Variants in TTLL5 observed in about 807,000 individuals in gnomAD.
TTLL5 encodes the protein tubulin tyrosine ligase like 5, also known as tubulin polyglutamylase TTLL5.
TTLL5 carries 132 observed loss-of-function variants against 168.4 expected under a neutral mutation model. The ratio of observed to expected loss-of-function variants is 0.78; its 90% CI spans 0.68 to 0.91. The LOEUF is 0.91. Among genes scored for constraint, TTLL5 ranks in the 40% least tolerant of loss-of-function variants. The pLI, the probability that TTLL5 is intolerant of heterozygous loss-of-function variation, is 0.00. For synonymous variants in TTLL5, 546 were observed against 558.6 expected (o/e 0.98, Z 0.32); for missense variants, 1,545 against 1,581.5 (o/e 0.98, Z 0.39).
At chr14:75,764,870 C>A in intron 19 of TTLL5, 98 bp downstream of exon 19, 2 of 1,380,038 alleles carry the variant, frequency 1.4e-6, no homozygotes, top group Non-Finnish European at 2.0e-6. Flanking sequence ...CAGAATCTTC[C>A]TGATCACATA....
intron 9 of TTLL5, chr14:75,709,067 C>T (rs184962641): frequency 3.0e-6 from 2 of 657,466 alleles, no homozygotes; most frequent in Admixed American, 2.6e-5. Context: ...GCCTGTGGGC[C>T]TCAGGTTGGA....
At chr14:75,718,742 A>G (rs914444683) in intron 10 of TTLL5, among the ~76,000 whole-genome samples, 1 of 152,230 alleles carries the variant, frequency 6.6e-6, no homozygotes, top group African/African-American at 2.4e-5. Context: ...AGGGAGTACT[A>G]GCCCAGCTGT....
intron 30 of TTLL5, chr14:75,887,394 T>A: frequency 1.1e-6 from 1 of 910,036 alleles, no homozygotes; most frequent in South Asian, 5.1e-5. Flanking sequence ...GTTCTTGAGG[T>A]GAGCATAGAA....
rs1205849400 is a variant in TTLL5, at chr14:75,700,895, G to A, written c.585+1625G>A. ...TTAACCAGGATTTAGGCCTGGACCA[G>A]TTTTTTATTCTTCCTCCTGGATATT... On this transcript the variant is annotated intron_variant, in intron 7 of 31. Transcript: ENST00000298832. Among the ~76,000 whole-genome samples, 6 of 152,032 alleles carry A rather than the reference G, an allele frequency of 3.9e-5. No homozygotes were observed. The South Asian group carries it at 1.2e-3, about 32-fold the overall frequency.
In TTLL5 at chr14:75,771,813, A is replaced by G. The variant is rs559714451; in HGVS notation, c.2095A>G (p.Thr699Ala). ...IRLMKDSGGQ[T>A]FSASWAAKED... The stretch of plus-strand genomic sequence containing the variant: ...CCTGATGAAAGACAGTGGCGGTCAG[A>G]CGTTCAGTGCCAGTTGGGCTGCCAA... Residue 699 changes from threonine to alanine, a missense_variant, in exon 21 of 32, where the codon ACG (threonine) becomes GCG (alanine). Transcript: ENST00000298832. 1 of 1,614,046 alleles carries G rather than the reference A, an allele frequency of 6.2e-7. No individual in the cohort carries two copies. Among genetic ancestry groups the G allele is most frequent in the African/African-American group, 1.3e-5 (1 of 75,032 alleles).
intron 28 of TTLL5, among the ~76,000 whole-genome samples, chr14:75,832,633 A>G (rs185862488): frequency 9.8e-4 from 150 of 152,322 alleles, no homozygotes; most frequent in Non-Finnish European, 1.9e-3. Context: ...TGTAAACTGT[A>G]AAGTATTACA....
intron 30 of TTLL5, among the ~76,000 whole-genome samples, chr14:75,889,813 G>C (rs2032301170): frequency 3.8e-5 from 4 of 104,242 alleles, no homozygotes; most frequent in African/African-American, 3.8e-5. Context: ...CTGGGCAACA[G>C]AGCGAGACTC....
Position 75,874,362 on chromosome 14 carries a change from G to T in TTLL5, c.3523-8323G>T, listed in dbSNP as rs140241193. On this transcript the variant is annotated intron_variant, in intron 29 of 31. Transcript: ENST00000298832. ...CCGCCTCGGCCTCCCAAAGTGCTGG[G>T]ATTACAAGTGTGAGCCACCGCACCT... is the stretch of plus-strand genomic sequence containing the variant. Among the ~76,000 whole-genome samples the T allele has an allele frequency of 2.5e-3, 382 of 152,220 alleles. 4 individuals carry two copies. In the South Asian group the frequency reaches 0.038, roughly 15 times the overall value.
At chr14:75,856,153 G>A (rs1464233139) in intron 28 of TTLL5, among the ~76,000 whole-genome samples, 6 of 152,078 alleles carry the variant, frequency 3.9e-5, no homozygotes, top group Non-Finnish European at 8.8e-5. Flanking sequence ...ACCTGAGGTC[G>A]GGAGTTCAAG....
chr14:75,923,023 A>G (rs2033883961), intron 31 of TTLL5, among the ~76,000 whole-genome samples: 1 of 151,984 alleles, frequency 6.6e-6, no homozygotes, highest in Non-Finnish European at 1.5e-5. Context: ...GTCTGATGGT[A>G]GTTTGTATTT....
chr14:75,820,619 TCAAA>T (rs1353344799), intron 28 of TTLL5: 5 of 154,458 alleles, frequency 3.2e-5, no homozygotes, highest in African/African-American at 1.2e-4. Flanking sequence ...ATAACTGAAC[TCAAA>T]CAACCTCGCT....
At chr14:75,769,736 T>A (rs1891167065) in intron 20 of TTLL5, among the ~76,000 whole-genome samples, 2 of 152,234 alleles carry the variant, frequency 1.3e-5, no homozygotes, top group East Asian at 3.8e-4. Context: ...GGTGAATTTA[T>A]TGACCCAAAC....
chr14:75,704,653 T>C (rs965775504), intron 7 of TTLL5, among the ~76,000 whole-genome samples: 3 of 152,136 alleles, frequency 2.0e-5, no homozygotes, highest in African/African-American at 7.3e-5. Context: ...TAACTGGGGA[T>C]TGATGAAAGG....
intron 1 of TTLL5, among the ~76,000 whole-genome samples, 162 bp from the exon 2 acceptor site, chr14:75,662,893 A>G (rs991327639): frequency 5.9e-5 from 9 of 152,220 alleles, no homozygotes; most frequent in African/African-American, 2.2e-4. Flanking sequence ...TGAGGCACAT[A>G]TTGAGGCACA....
chr14:75,939,127 G>A (rs758068102), intron 31 of TTLL5, among the ~76,000 whole-genome samples: 11 of 152,178 alleles, frequency 7.2e-5, no homozygotes, highest in East Asian at 1.9e-4. Context: ...ACCGTAGAGA[G>A]CCTGTTAAAC....
chr14:75,916,943 T>C (rs1323647422), intron 31 of TTLL5, among the ~76,000 whole-genome samples: 7 of 152,116 alleles, frequency 4.6e-5, no homozygotes, highest in Admixed American at 4.6e-4. Context: ...AAAAGACAAG[T>C]ACTATATGAT....
chr14:75,683,895 TAC>T, intron 5 of TTLL5: 1 of 356,458 alleles, frequency 2.8e-6, no homozygotes, highest in South Asian at 2.5e-5. Context: ...TGCCTCAGCC[TAC>T]CCAGTAGCTG....
intron 28 of TTLL5, among the ~76,000 whole-genome samples, chr14:75,826,449 T>TA (rs938790056): frequency 4.3e-4 from 63 of 146,014 alleles, no homozygotes; most frequent in East Asian, 2.4e-3. Context: ...ACTACAACGT[T>TA]AAAAAAAAAA....
At chr14:75,712,585 C>G (rs924339309) in intron 9 of TTLL5, 2 of 150,558 alleles carry the variant, frequency 1.3e-5, no homozygotes, top group African/African-American at 4.9e-5. Context: ...TTTAAAAGAT[C>G]CCACTAACTC....
Sources: gnomAD v4.1 joint callset for allele counts (sites outside exome capture counted in the v4.1 genomes callset) on GRCh38, gnomAD v4.1.1 for gene constraint, MANE v1.5 for transcripts, NCBI Gene and HGNC (gene_info 2026-07-23, HGNC 2026-07-21) for gene names.